The following CHN2 variants were observed in gnomAD, a reference collection of about 807,000 sequenced individuals.
The protein encoded by CHN2 is beta-chimaerin.
A neutral mutation model predicts 56.3 loss-of-function variants in CHN2; 35 were observed. That is an observed-to-expected ratio of 0.62 (90% CI 0.47 to 0.82). CHN2 has a LOEUF of 0.82. Among genes scored for constraint, CHN2 ranks in the 40% least tolerant of loss-of-function variants. The probability of loss-of-function intolerance (pLI) is 0.00; values close to 1 mark genes in which losing one functional copy is unlikely to be tolerated. For missense variants in CHN2, 491 were observed against 580.5 expected, an observed-to-expected ratio of 0.85 and a Z score of 1.58; for synonymous variants, 210 against 212.8, an observed-to-expected ratio of 0.99 and a Z score of 0.12.
intron 6 of CHN2, among the ~76,000 whole-genome samples, chr7:29,474,458 C>T (rs1336499393): frequency 6.6e-6 from 1 of 152,140 alleles, no homozygotes; most frequent in Admixed American, 6.5e-5. Context: ...TTTGATCCAT[C>T]TCCAACTTTT....
At chr7:29,320,825 A>G (rs1231660161) in intron 1 of CHN2, among the ~76,000 whole-genome samples, 1 of 152,012 alleles carries the variant, frequency 6.6e-6, no homozygotes, top group Admixed American at 6.6e-5. Context: ...GTCTTCTCAC[A>G]TGTTCTTTCT....
intron 1 of CHN2, among the ~76,000 whole-genome samples, chr7:29,203,839 T>G (rs1182071155): frequency 6.6e-6 from 1 of 152,246 alleles, no homozygotes; most frequent in Non-Finnish European, 1.5e-5. Context: ...TTTCTGAATC[T>G]TTATAGTGAC....
rs567618613 is a variant in CHN2, at chr7:29,411,468, A to T, written c.576+10640A>T. 6.4e-4 allele frequency among the ~76,000 whole-genome samples: 97 copies of T among 152,202 alleles called. 1 individual carries two copies. The highest frequency in any genetic ancestry group is 1.1e-3 in the Non-Finnish European group (73 of 68,024). On this transcript the variant is annotated intron_variant, in intron 6 of 12. Transcript: ENST00000222792. ...AGTAGCTGTCATTTTTGCCACCCAG[A>T]GCCACCTCAGTGTAGGAGCTTCTGG...
At chr7:29,366,039 G>A (rs1799132899) in intron 2 of CHN2, among the ~76,000 whole-genome samples, 1 of 152,168 alleles carries the variant, frequency 6.6e-6, no homozygotes, top group Non-Finnish European at 1.5e-5. Flanking sequence ...TAGAGAAATA[G>A]GATGAATAAT....
At chr7:29,202,314 G>A (rs772496074) in intron 1 of CHN2, among the ~76,000 whole-genome samples, 3 of 152,180 alleles carry the variant, frequency 2.0e-5, no homozygotes, top group Non-Finnish European at 4.4e-5. Flanking sequence ...TCAGGGCAAA[G>A]CAAATGCATT....
chr7:29,158,482 C>G (rs1183986402), intron 2 of CHN2, among the ~76,000 whole-genome samples: 3 of 151,988 alleles, frequency 2.0e-5, no homozygotes, highest in Non-Finnish European at 2.9e-5. Context: ...CCTGAAAATT[C>G]AGGCAGAATG....
At chr7:29,153,006 A>T (rs1233326586) in intron 2 of CHN2, among the ~76,000 whole-genome samples, 1 of 152,234 alleles carries the variant, frequency 6.6e-6, no homozygotes, top group Non-Finnish European at 1.5e-5. Flanking sequence ...CAGAGCTGGG[A>T]TGCACAGGGA....
At chr7:29,454,556 C>T (rs554665220) in intron 6 of CHN2, among the ~76,000 whole-genome samples, 49 of 152,304 alleles carry the variant, frequency 3.2e-4, no homozygotes, top group African/African-American at 9.9e-4. Flanking sequence ...GCAGTAACAA[C>T]CCCCAGATGT....
intron 1 of CHN2, among the ~76,000 whole-genome samples, chr7:29,280,212 C>A (rs1025507774): frequency 3.3e-5 from 5 of 151,874 alleles, no homozygotes; most frequent in African/African-American, 1.2e-4. Flanking sequence ...GGCGAAACCC[C>A]GTCTCTACTA....
At chr7:29,497,430 A>G (rs1465693211) in intron 8 of CHN2, among the ~76,000 whole-genome samples, 2 of 152,252 alleles carry the variant, frequency 1.3e-5, no homozygotes, top group East Asian at 3.9e-4. Context: ...TTAGCTGTGA[A>G]CAGCAACTTT....
At chr7:29,157,876 T>C (rs940952174) in intron 2 of CHN2, among the ~76,000 whole-genome samples, 2 of 152,222 alleles carry the variant, frequency 1.3e-5, no homozygotes, top group Non-Finnish European at 2.9e-5. Flanking sequence ...AGAAATGTCA[T>C]GTGCTAATGT....
chr7:29,466,779 C>A (rs1287964529), intron 6 of CHN2, among the ~76,000 whole-genome samples: 2 of 152,134 alleles, frequency 1.3e-5, no homozygotes, highest in Non-Finnish European at 2.9e-5. Context: ...TTGAAACTTG[C>A]CTAATTTTTT....
At chr7:29,238,011 TTC>T (rs1012982314) in intron 1 of CHN2, among the ~76,000 whole-genome samples, 1 of 130,206 alleles carries the variant, frequency 7.7e-6, no homozygotes, top group African/African-American at 2.9e-5. Flanking sequence ...TTAATATGTA[TTC>T]TCTTTTTTTT....
intron 6 of CHN2, among the ~76,000 whole-genome samples, chr7:29,417,100 CCTT>C (rs1253727341): frequency 6.6e-6 from 1 of 152,208 alleles, no homozygotes; most frequent in Non-Finnish European, 1.5e-5. Flanking sequence ...CGCGTCCTCT[CCTT>C]CTGGCTCCCC....
chr7:29,460,682 C>T (rs1785100185), intron 6 of CHN2, among the ~76,000 whole-genome samples: 1 of 152,168 alleles, frequency 6.6e-6, no homozygotes, highest in African/African-American at 2.4e-5. Flanking sequence ...TCTTAGAGTC[C>T]AGAATCTTTC....
chr7:29,253,556 T>G (rs1788815420), intron 1 of CHN2, among the ~76,000 whole-genome samples: 1 of 152,210 alleles, frequency 6.6e-6, no homozygotes. Context: ...GGTAGGAAAC[T>G]AGCAGCATCT....
chr7:29,326,545 C>A (rs1364052985), intron 1 of CHN2, among the ~76,000 whole-genome samples: 2 of 152,214 alleles, frequency 1.3e-5, no homozygotes, highest in African/African-American at 4.8e-5. Flanking sequence ...CCTCCCTTGT[C>A]CCTGTTCACC....
chr7:29,233,269 T>G (rs1262695115), intron 1 of CHN2, among the ~76,000 whole-genome samples: 1 of 152,226 alleles, frequency 6.6e-6, no homozygotes. Flanking sequence ...AGTTAAGTCA[T>G]GTAATATGCC....
intron 11 of CHN2, among the ~76,000 whole-genome samples, chr7:29,507,697 A>G (rs1790741983): frequency 6.6e-6 from 1 of 152,226 alleles, no homozygotes; most frequent in African/African-American, 2.4e-5. Context: ...TGACTAGATC[A>G]TGGGTATCCA....
Sources: allele counts gnomAD v4.1 joint callset (sites outside exome capture counted in the v4.1 genomes callset), GRCh38; gene constraint gnomAD v4.1.1; transcripts MANE v1.5; gene names NCBI Gene and HGNC (gene_info 2026-07-23, HGNC 2026-07-21).